FAM120A: variants seen among roughly 807,000 people sequenced by gnomAD.
The protein encoded by FAM120A is family with sequence similarity 120 member A.
In FAM120A, 15 loss-of-function variants were observed where a neutral mutation model predicts 109.7. The observed-to-expected ratio is 0.14, with a 90% CI of 0.09 to 0.21. FAM120A has a LOEUF of 0.21. FAM120A is among the 10% of genes least tolerant of loss of function. FAM120A has a pLI of 1.00. For missense variants in FAM120A, 899 were observed against 1,439.3 expected, an observed-to-expected ratio of 0.62 and a Z score of 6.07; for synonymous variants, 493 against 572.8, an observed-to-expected ratio of 0.86 and a Z score of 1.99.
chr9:93,483,742 TAA>T (rs1378314141), intron 3 of FAM120A, among the ~76,000 whole-genome samples: 1 of 152,234 alleles, frequency 6.6e-6, no homozygotes, highest in Admixed American at 6.5e-5. Flanking sequence ...TGACATTAGC[TAA>T]ATGTTCTTAA....
chr9:93,547,383 G>A (rs944880375), intron 11 of FAM120A, among the ~76,000 whole-genome samples: 10 of 152,220 alleles, frequency 6.6e-5, no homozygotes, highest in Admixed American at 4.6e-4. Flanking sequence ...AACCCGGGTG[G>A]TTGGTGGTCA....
chr9:93,452,823 C>G lies in FAM120A; in HGVS notation c.474+434C>G, dbSNP rs908872529. 5 of 1,567,916 alleles carry G rather than the reference C, an allele frequency of 3.2e-6. No homozygotes were observed. The highest frequency in any genetic ancestry group is 4.3e-6 in the Non-Finnish European group (5 of 1,165,236). Reference sequence around the variant, plus strand: ...GTTCATCTTGGAAGCAGGCAGGATACAGAGTAATAGAGGGGGTTTCGCCAG... The same window carrying G: ...GTTCATCTTGGAAGCAGGCAGGATAGAGAGTAATAGAGGGGGTTTCGCCAG... On this transcript the variant is annotated intron_variant, in intron 1 of 17. Coordinates refer to ENST00000277165, the MANE Select transcript of FAM120A (RefSeq NM_014612.5). The surrounding 1 kb of genome is among the most constrained non-coding windows in gnomAD (Gnocchi z 7.0).
chr9:93,559,004 C>T (rs761810124), intron 15 of FAM120A, among the ~76,000 whole-genome samples: 6 of 152,162 alleles, frequency 3.9e-5, no homozygotes, highest in Admixed American at 1.3e-4. Context: ...ACCATCGCCT[C>T]GTGTTCATAG....
chr9:93,483,645 A>G (rs1319280915), intron 3 of FAM120A, among the ~76,000 whole-genome samples: 1 of 152,222 alleles, frequency 6.6e-6, no homozygotes, highest in Non-Finnish European at 1.5e-5. Flanking sequence ...TAACCACTTT[A>G]GACAGATTGA....
intron 3 of FAM120A, 112 bp from the exon 4 acceptor site, chr9:93,497,359 C>G (rs756164966): frequency 2.3e-4 from 307 of 1,355,496 alleles, no homozygotes; most frequent in Non-Finnish European, 3.0e-4. Flanking sequence ...TCATTGGGCA[C>G]TGATAAGATC....
At chr9:93,471,082 T>C (rs1487644888) in intron 1 of FAM120A, 59 bp from the exon 2 acceptor site, 3 of 1,575,488 alleles carry the variant, frequency 1.9e-6, no homozygotes, top group East Asian at 2.3e-5. Context: ...TTTCTGCTTA[T>C]TGAGCTTGTT....
In FAM120A at chr9:93,529,483, C is replaced by T; in HGVS notation, c.1637C>T (p.Pro546Leu). 6.2e-7 allele frequency: 1 copy of T among 1,614,222 alleles called. No individual in the cohort carries two copies. The highest frequency in any genetic ancestry group is 8.5e-7 in the Non-Finnish European group (1 of 1,180,034). ...PTRNHMDITT[P>L]PLPPVAPEVL... is the part of the protein sequence containing the mutation. ...AGGAACCACATGGACATCACCACAC[C>T]TCCCCTGCCCCCCGTCGCACCTGAG... Residue 546 changes from proline to leucine, a missense_variant, in exon 9 of 18, where the codon CCT becomes CTT. Physicochemically the swap from Pro to Leu is moderately conservative, Grantham distance 98 (BLOSUM62 -3). This residue lies in a region of FAM120A where 133 missense variants were observed against 276.6 expected (regional missense o/e 0.48). Coordinates refer to ENST00000277165, the MANE Select transcript of FAM120A (RefSeq NM_014612.5).
intron 14 of FAM120A, among the ~76,000 whole-genome samples, chr9:93,558,343 C>A (rs1862363669): frequency 6.6e-6 from 1 of 152,220 alleles, no homozygotes; most frequent in African/African-American, 2.4e-5. Context: ...ACTCATCTCC[C>A]AGGGCCCTTC....
chr9:93,479,247 C>A (rs930061427), intron 3 of FAM120A, among the ~76,000 whole-genome samples: 1 of 151,664 alleles, frequency 6.6e-6, no homozygotes, highest in Non-Finnish European at 1.5e-5. Context: ...TACAGGCGCC[C>A]GCCACTACGC....
chr9:93,471,500 A>G, intron 2 of FAM120A, 113 bp downstream of exon 2: 1 of 1,342,934 alleles, frequency 7.4e-7, no homozygotes, highest in South Asian at 1.4e-5. Flanking sequence ...CACATTGAAA[A>G]GAACCAAGGC....
At position 93,524,949 on chromosome 9, in the gene FAM120A, AT is replaced by A. The variant is rs796718659; in HGVS notation, c.1419-2204del. Among the ~76,000 whole-genome samples, 28 of 152,224 alleles carry A rather than the reference AT, an allele frequency of 1.8e-4. No homozygotes were observed. The East Asian group carries it at 4.1e-3, about 22-fold the overall frequency. ...ATGGTTCCAGGTATCAGTTTAAGGTATTATTAGTTGTGTAAAATGAAACATA... is the reference window on the plus strand; with the variant it reads ...ATGGTTCCAGGTATCAGTTTAAGGTATATTAGTTGTGTAAAATGAAACATA... On this transcript the variant is annotated intron_variant, in intron 7 of 17. Coordinates refer to ENST00000277165, the MANE Select transcript of FAM120A (RefSeq NM_014612.5).
Position 93,501,361 on chromosome 9 carries a change from A to G in FAM120A, c.1030+2475A>G, listed in dbSNP as rs145515649. Among the ~76,000 whole-genome samples, 18 of 152,358 alleles carry G rather than the reference A, an allele frequency of 1.2e-4. No individual in the cohort carries two copies. In the East Asian group the frequency reaches 3.5e-3, roughly 29 times the overall value. On this transcript the variant is annotated intron_variant, in intron 5 of 17. Transcript: ENST00000277165. Reference sequence around the variant, plus strand: ...AGTTAAGTTTGAATATCTTAAAAATATGTTCTGTCAAGTGCTTTTGTGTTC... The same window carrying G: ...AGTTAAGTTTGAATATCTTAAAAATGTGTTCTGTCAAGTGCTTTTGTGTTC...
chr9:93,475,956 A>C (rs1181035651), intron 2 of FAM120A, among the ~76,000 whole-genome samples: 1 of 152,220 alleles, frequency 6.6e-6, no homozygotes, highest in Admixed American at 6.5e-5. Flanking sequence ...ATATCCTGAC[A>C]TTGTCAGACT....
intron 2 of FAM120A, among the ~76,000 whole-genome samples, chr9:93,474,942 A>G (rs1588802548): frequency 6.6e-6 from 1 of 152,296 alleles, no homozygotes; most frequent in East Asian, 1.9e-4. Context: ...TTAACGGGAA[A>G]ACAATATCAA....
chr9:93,539,439 T>A (rs771243194), intron 10 of FAM120A, among the ~76,000 whole-genome samples: 1 of 152,232 alleles, frequency 6.6e-6, no homozygotes, highest in Non-Finnish European at 1.5e-5. Flanking sequence ...TATTTGTTGG[T>A]GGTGATACAC....
At position 93,532,936 on chromosome 9, in the gene FAM120A, A is replaced by T. The variant is rs1217065296; in HGVS notation, c.1909+607A>T. 6.6e-6 allele frequency among the ~76,000 whole-genome samples: 1 copy of T among 152,222 alleles called. No homozygotes were observed. The highest frequency in any genetic ancestry group is 1.5e-5 in the Non-Finnish European group (1 of 68,038). ...TGGAAACACTGAAAAGGATTGTTTG[A>T]AAAGTTGGTCAAAGATGAGGTCAAA... On this transcript the variant is annotated intron_variant, in intron 10 of 17. Coordinates refer to ENST00000277165, the MANE Select transcript of FAM120A (RefSeq NM_014612.5). This position sits in a 1 kb window ranked among gnomAD's most constrained non-coding sequence, Gnocchi z 4.3.
At chr9:93,468,773 A>G (rs1293495620) in intron 1 of FAM120A, among the ~76,000 whole-genome samples, 1 of 151,944 alleles carries the variant, frequency 6.6e-6, no homozygotes, top group African/African-American at 2.4e-5. Flanking sequence ...TTATGCTTCT[A>G]ATGTTTTTTA....
chr9:93,474,593 T>G (rs1858466493), intron 2 of FAM120A, among the ~76,000 whole-genome samples: 1 of 151,520 alleles, frequency 6.6e-6, no homozygotes, highest in African/African-American at 2.4e-5. Flanking sequence ...TTCGTTCTTT[T>G]TTTGTTTGTT....
intron 3 of FAM120A, among the ~76,000 whole-genome samples, chr9:93,486,454 A>G (rs975497114): frequency 4.0e-5 from 6 of 151,680 alleles, no homozygotes; most frequent in African/African-American, 1.5e-4. Context: ...TTCCATGTGT[A>G]TATGGCTGGG....
Sources: gnomAD v4.1 joint callset for allele counts (sites outside exome capture counted in the v4.1 genomes callset) on GRCh38, gnomAD v4.1.1 for gene constraint, gnomAD v4.1.1 regional missense constraint, Gnocchi (gnomAD v3.1) non-coding constraint, MANE v1.5 for transcripts, NCBI Gene and HGNC (gene_info 2026-07-23, HGNC 2026-07-21) for gene names.